The following ZNF717 variants were observed in gnomAD, a reference collection of about 807,000 sequenced individuals.
ZNF717 encodes the protein krueppel-like factor X17.
ZNF717 carries 9 observed loss-of-function variants against 13.8 expected under a neutral mutation model. That is an observed-to-expected ratio of 0.65 (90% CI 0.39 to 1.14). The LOEUF (loss-of-function observed/expected upper bound fraction) is 1.14, where lower values mean the gene tolerates loss of function less well. Ranked by LOEUF, ZNF717 falls within the 50% of genes most tolerant of loss-of-function variation. The pLI, the probability that ZNF717 is intolerant of heterozygous loss-of-function variation, is 0.01. For synonymous variants in ZNF717, 327 were observed against 364.1 expected (o/e 0.90, Z 1.16); for missense variants, 1,040 against 1,080.7 (o/e 0.96, Z 0.53).
chr3:75,724,634 T>G (rs1191331972), intron 4 of ZNF717, among the ~76,000 whole-genome samples: 3 of 152,254 alleles, frequency 2.0e-5, no homozygotes, highest in Non-Finnish European at 2.9e-5. Context: ...TATTTTTTAC[T>G]GCTTCATCAA....
chr3:75,738,183 T>A lies in ZNF717; in HGVS notation c.1440A>T (p.Glu480Asp). 1 of 1,573,312 alleles carries A rather than the reference T, an allele frequency of 6.4e-7. No individual in the cohort carries two copies. The highest frequency in any genetic ancestry group is 8.6e-7 in the Non-Finnish European group (1 of 1,159,014). Residue 480 changes from glutamate to aspartate, a missense_variant, in exon 5 of 5, where the codon GAA becomes GAT. Physicochemically the swap from Glu to Asp is conservative, Grantham distance 45. Around this residue, in one of 3 missense-constraint regions of ZNF717, gnomAD observed 873 missense variants for 832.8 expected, o/e 1.05. Coordinates refer to ENST00000652011, the MANE Select transcript of ZNF717 (RefSeq NM_001290208.3). ...GAAACGTTTTCCCACATTCATTGCA[T>A]TCATAGGGTTTTTCCCCTGTGTGAG... Reference protein sequence around the residue: ...QRTHTGEKPYECNECGKTFHR... With the variant: ...QRTHTGEKPYDCNECGKTFHR...
intron 4 of ZNF717, among the ~76,000 whole-genome samples, chr3:75,720,196 C>T (rs1358718934): frequency 6.6e-6 from 1 of 151,950 alleles, no homozygotes; most frequent in Non-Finnish European, 1.5e-5. Flanking sequence ...AAGACACATA[C>T]ACTAATATAT....
chr3:75,784,850 G>C (rs1186213901), intron 1 of ZNF717: 5 of 152,166 alleles, frequency 3.3e-5, no homozygotes, highest in Non-Finnish European at 7.3e-5. Context: ...TCTTTCAAGT[G>C]CGCTTCTTAT....
intron 2 of ZNF717, among the ~76,000 whole-genome samples, chr3:75,779,157 G>A (rs556653062): frequency 7.5e-4 from 81 of 108,200 alleles, no homozygotes; most frequent in African/African-American, 2.7e-3. Flanking sequence ...AGTGACGTGC[G>A]AAAACCGGAA....
At chr3:75,769,921 T>C (rs569684830) in intron 2 of ZNF717, among the ~76,000 whole-genome samples, 10 of 152,378 alleles carry the variant, frequency 6.6e-5, no homozygotes, top group South Asian at 2.1e-4. Flanking sequence ...ATTGTATACA[T>C]TGCATATTAA....
At chr3:75,731,496 T>C (rs1326414362), downstream of ZNF717, among the ~76,000 whole-genome samples, 1 of 125,522 alleles carries the variant, frequency 8.0e-6, no homozygotes, top group Non-Finnish European at 1.8e-5. Flanking sequence ...GGGAGCCAGA[T>C]GTTAAGGTGA....
chr3:75,775,531 G>A (rs185473190), intron 2 of ZNF717, among the ~76,000 whole-genome samples: 5 of 152,216 alleles, frequency 3.3e-5, no homozygotes, highest in South Asian at 2.1e-4. Context: ...TAAGTTCCCC[G>A]ATTCCCCAAG....
At chr3:75,732,022 G>T (rs62250083), downstream of ZNF717, 1 of 701,500 alleles carries the variant, frequency 1.4e-6, no homozygotes, top group African/African-American at 1.7e-5. Context: ...ACACCAGGGA[G>T]ATCCAGTTAT....
intron 6 of ZNF717, among the ~76,000 whole-genome samples, chr3:75,697,083 G>A (rs1222501638): frequency 1.3e-5 from 2 of 152,392 alleles, no homozygotes; most frequent in African/African-American, 2.4e-5. Flanking sequence ...ATACTAAGTG[G>A]GGAAAAACTA....
chr3:75,696,592 C>G (rs1479584278), intron 6 of ZNF717, among the ~76,000 whole-genome samples: 2 of 152,292 alleles, frequency 1.3e-5, no homozygotes, highest in Non-Finnish European at 2.9e-5. Context: ...TGTGATACAT[C>G]ACATAAACAG....
intron 6 of ZNF717, among the ~76,000 whole-genome samples, chr3:75,702,871 C>T (rs1377480968): frequency 6.6e-6 from 1 of 152,310 alleles, no homozygotes; most frequent in Non-Finnish European, 1.5e-5. Context: ...ATGTCCTTAT[C>T]CAAGAAGAGG....
At chr3:75,734,291 G>T (rs1297324287), downstream of ZNF717, among the ~76,000 whole-genome samples, 3 of 151,878 alleles carry the variant, frequency 2.0e-5, no homozygotes, top group African/African-American at 7.3e-5. Context: ...GGCTGGTCTT[G>T]AATTCCTAAC....
intron 2 of ZNF717, among the ~76,000 whole-genome samples, chr3:75,782,068 C>T (rs1576006840): frequency 6.6e-6 from 1 of 152,174 alleles, no homozygotes; most frequent in South Asian, 2.1e-4. Context: ...TAAAGGACTC[C>T]TGAACTCGTC....
intron 2 of ZNF717, among the ~76,000 whole-genome samples, chr3:75,760,037 CT>C (rs563141421): frequency 0.017 from 2,591 of 148,094 alleles, no homozygotes; most frequent in South Asian, 0.1. Context: ...TTTCTTTCTT[CT>C]TTTTTTTTGA....
intron 2 of ZNF717, among the ~76,000 whole-genome samples, chr3:75,764,494 G>C (rs796201975): frequency 7.6e-6 from 1 of 132,106 alleles, no homozygotes; most frequent in South Asian, 2.4e-4. Context: ...GTGATATAAT[G>C]AATGATCATG....
chr3:75,758,748 TCACCCCTGTCATCCCAA>T (rs1428843187), intron 2 of ZNF717, among the ~76,000 whole-genome samples: 1 of 152,160 alleles, frequency 6.6e-6, no homozygotes, highest in South Asian at 2.1e-4. Context: ...GTGCAGTGGT[TCACCCCTGTCATCCCAA>T]CACTTTGGGA....
intron 6 of ZNF717, among the ~76,000 whole-genome samples, chr3:75,698,996 G>T (rs1316549980): frequency 2.0e-5 from 3 of 152,380 alleles, no homozygotes; most frequent in South Asian, 2.1e-4. Context: ...GCATTAGTGT[G>T]CCCTGAAAAT....
downstream of ZNF717, among the ~76,000 whole-genome samples, chr3:75,728,017 A>G (rs1938324786): frequency 6.6e-6 from 1 of 152,270 alleles, no homozygotes; most frequent in Non-Finnish European, 1.5e-5. Context: ...TTCCCCCAAT[A>G]AAACCTCACA....
intron 2 of ZNF717, among the ~76,000 whole-genome samples, chr3:75,780,965 C>T (rs532953701): frequency 1.3e-5 from 2 of 152,370 alleles, no homozygotes; most frequent in South Asian, 4.1e-4. Context: ...GTCTATTTCC[C>T]AGTGGGTTTC....
Sources: allele counts gnomAD v4.1 joint callset (sites outside exome capture counted in the v4.1 genomes callset), GRCh38; gene constraint gnomAD v4.1.1; regional missense constraint gnomAD v4.1.1; transcripts MANE v1.5; gene names NCBI Gene and HGNC (gene_info 2026-07-23, HGNC 2026-07-21).